Variants in CDYL2 observed in about 807,000 individuals in gnomAD.
CDYL2 encodes chromodomain Y like 2.
In CDYL2, 23 loss-of-function variants were observed where a neutral mutation model predicts 49.4. That is an observed-to-expected ratio of 0.47 (90% CI 0.34 to 0.66). The LOEUF is 0.66. CDYL2 is among the 30% of genes least tolerant of loss of function. The pLI, the probability that CDYL2 is intolerant of heterozygous loss-of-function variation, is 0.01. For missense variants in CDYL2, 678 were observed against 656.4 expected, an observed-to-expected ratio of 1.03 and a Z score of -0.36; for synonymous variants, 360 against 268.8, an observed-to-expected ratio of 1.34 and a Z score of -3.32.
chr16:80,804,640 G>A (rs1908045246), upstream of CDYL2, among the ~76,000 whole-genome samples: 1 of 145,494 alleles, frequency 6.9e-6, no homozygotes, highest in Non-Finnish European at 1.5e-5. Flanking sequence ...CGGCCCCCGG[G>A]GCGGGGAGGC....
rs1183799192 is a variant in CDYL2, at chr16:80,798,898, AACAGGGGAT to A, written c.24+5243_24+5251del. Among the ~76,000 whole-genome samples, 25 of 152,328 alleles carry A rather than the reference AACAGGGGAT, an allele frequency of 1.6e-4. No individual in the cohort carries two copies. In the East Asian group the frequency reaches 4.8e-3, roughly 29 times the overall value. On this transcript the variant is annotated intron_variant, in intron 1 of 6. Transcript: ENST00000570137. ...AATGGAAACTATCTAGATGTCCGATAACAGGGGATTAGTTATAGAAAACATGGTACATTC... is the reference window on the plus strand; with the variant it reads ...AATGGAAACTATCTAGATGTCCGATATAGTTATAGAAAACATGGTACATTC...
intron 1 of CDYL2, among the ~76,000 whole-genome samples, chr16:80,799,351 C>T (rs571689762): frequency 1.3e-5 from 2 of 152,290 alleles, no homozygotes; most frequent in East Asian, 1.9e-4. Context: ...TCCCTATTAA[C>T]ACTTCCCCAC....
intron 1 of CDYL2, among the ~76,000 whole-genome samples, chr16:80,744,842 T>A (rs1407124760): frequency 6.6e-6 from 1 of 152,138 alleles, no homozygotes; most frequent in Non-Finnish European, 1.5e-5. Flanking sequence ...GAGAAGGAAG[T>A]GGACAGTCCT....
intron 1 of CDYL2, among the ~76,000 whole-genome samples, chr16:80,784,823 A>AT (rs1358916745): frequency 6.6e-6 from 1 of 152,152 alleles, no homozygotes; most frequent in African/African-American, 2.4e-5. Flanking sequence ...CCCCAAGAAT[A>AT]TATCACAAGG....
intron 1 of CDYL2, among the ~76,000 whole-genome samples, chr16:80,716,008 C>G (rs1032545607): frequency 2.0e-5 from 3 of 152,262 alleles, no homozygotes; most frequent in Non-Finnish European, 2.9e-5. Context: ...AGAGCTAAAT[C>G]TCTTTATGCC....
In CDYL2 at chr16:80,769,345, A is replaced by G. The variant is rs932996057; in HGVS notation, c.24+34805T>C. On this transcript the variant is annotated intron_variant, in intron 1 of 6. Transcript: ENST00000570137. Reference sequence around the variant, plus strand: ...TTAATGGAGGTGATGCTGAAAGCCAACATCTATTGAGCACTCACTATATGC... The same window carrying G: ...TTAATGGAGGTGATGCTGAAAGCCAGCATCTATTGAGCACTCACTATATGC... Among the ~76,000 whole-genome samples the G allele has an allele frequency of 2.6e-5, 4 of 152,224 alleles. No individual in the cohort carries two copies. In the South Asian group the frequency reaches 6.2e-4, roughly 24 times the overall value.
chr16:80,777,295 A>G (rs1907119335), intron 1 of CDYL2, among the ~76,000 whole-genome samples: 1 of 152,126 alleles, frequency 6.6e-6, no homozygotes, highest in East Asian at 1.9e-4. Context: ...TTATACATAT[A>G]TATTTTTGTT....
intron 3 of CDYL2, among the ~76,000 whole-genome samples, chr16:80,632,292 T>C (rs965308075): frequency 1.3e-5 from 2 of 152,282 alleles, no homozygotes; most frequent in Admixed American, 6.5e-5. Context: ...GAAAACATGC[T>C]AAGTGAAAAA....
intron 1 of CDYL2, among the ~76,000 whole-genome samples, chr16:80,700,732 A>G (rs1904296080): frequency 6.6e-6 from 1 of 152,258 alleles, no homozygotes; most frequent in Admixed American, 6.5e-5. Context: ...AGGTAATTTA[A>G]CAGATATCTA....
rs544590218 is a variant in CDYL2 at position 80,676,795 on chromosome 16, A to C, written c.616+7743T>G. Among the ~76,000 whole-genome samples the C allele has an allele frequency of 4.6e-5, 7 of 151,974 alleles. No homozygotes were observed. The South Asian group carries it at 1.5e-3, about 32-fold the overall frequency. On this transcript the variant is annotated intron_variant, in intron 2 of 6. Transcript: ENST00000570137. ...TCACAGGAGTTGGGAGTATTTTCCC[A>C]TTTTCCTGTTCTCCATAATCATTTG...
chr16:80,745,065 G>A (rs535295390), intron 1 of CDYL2, among the ~76,000 whole-genome samples: 9 of 152,310 alleles, frequency 5.9e-5, no homozygotes, highest in East Asian at 1.9e-4. Flanking sequence ...GCCCTCCATC[G>A]AGGAAGTGCA....
At chr16:80,737,944 G>C (rs1354069346) in intron 1 of CDYL2, among the ~76,000 whole-genome samples, 1 of 152,112 alleles carries the variant, frequency 6.6e-6, no homozygotes, top group Non-Finnish European at 1.5e-5. Flanking sequence ...AGGTATACAT[G>C]TGCCATGGTG....
chr16:80,614,790 G>A (rs1392481087), intron 4 of CDYL2, among the ~76,000 whole-genome samples: 3 of 151,010 alleles, frequency 2.0e-5, no homozygotes, highest in African/African-American at 4.9e-5. Context: ...CATGAACCCA[G>A]GAGGTGGAGG....
At chr16:80,737,582 C>A (rs1235728761) in intron 1 of CDYL2, among the ~76,000 whole-genome samples, 1 of 152,128 alleles carries the variant, frequency 6.6e-6, no homozygotes, top group African/African-American at 2.4e-5. Context: ...GTTGCTGCTG[C>A]TGCTAGTGGT....
intron 4 of CDYL2, among the ~76,000 whole-genome samples, chr16:80,618,262 A>G (rs1243250267): frequency 7.5e-6 from 1 of 132,856 alleles, no homozygotes. Flanking sequence ...GTCAGGAGCC[A>G]GTTTGGGCCT....
At chr16:80,779,628 T>C (rs1288450431) in intron 1 of CDYL2, among the ~76,000 whole-genome samples, 1 of 152,084 alleles carries the variant, frequency 6.6e-6, no homozygotes, top group Non-Finnish European at 1.5e-5. Flanking sequence ...TCTAATATAC[T>C]AAAACAAAGT....
At position 80,713,898 on chromosome 16, in the gene CDYL2, G is replaced by C. The variant is rs28578586; in HGVS notation, c.25-28769C>G. Among the ~76,000 whole-genome samples, 641 of 152,242 alleles carry C rather than the reference G, an allele frequency of 4.2e-3. 5 individuals are homozygous for C. Among genetic ancestry groups the C allele is most frequent in the African/African-American group, 0.015 (617 of 41,524 alleles). ...TGCAGGTGTGCCAACCGACAACATAGCTCAGGCCCCAGTCAAGAGCCAGGA... is the reference window on the plus strand; with the variant it reads ...TGCAGGTGTGCCAACCGACAACATACCTCAGGCCCCAGTCAAGAGCCAGGA... On this transcript the variant is annotated intron_variant, in intron 1 of 6. Transcript: ENST00000570137.
intron 2 of CDYL2, among the ~76,000 whole-genome samples, chr16:80,680,489 T>C (rs149986158): frequency 1.3e-4 from 20 of 152,272 alleles, no homozygotes; most frequent in African/African-American, 3.6e-4. Context: ...TGTGAATCCA[T>C]AGAACACTGA....
At chr16:80,642,444 A>G (rs1329027480) in intron 2 of CDYL2, among the ~76,000 whole-genome samples, 1 of 152,192 alleles carries the variant, frequency 6.6e-6, no homozygotes, top group Non-Finnish European at 1.5e-5. Context: ...CTCCATCTAA[A>G]AAAAATTATA....
Sources: gnomAD v4.1 joint callset for allele counts (sites outside exome capture counted in the v4.1 genomes callset) on GRCh38, gnomAD v4.1.1 for gene constraint, MANE v1.5 for transcripts, NCBI Gene and HGNC (gene_info 2026-07-23, HGNC 2026-07-21) for gene names.